The following RBFOX1 variants were observed in gnomAD, a reference collection of about 807,000 sequenced individuals.
RBFOX1 encodes the protein RNA binding fox-1 homolog 1, also known as RNA binding protein fox-1 homolog 1.
In RBFOX1, 8 loss-of-function variants were observed where a neutral mutation model predicts 57.7. That is an observed-to-expected ratio of 0.14 (90% CI 0.08 to 0.25). RBFOX1 has a LOEUF of 0.25. Ranked by LOEUF, RBFOX1 falls within the 10% of genes least tolerant of loss-of-function variation. The pLI is 1.00. For synonymous variants in RBFOX1, 326 were observed against 222.4 expected (o/e 1.47, Z -4.15); for missense variants, 611 against 548.5 (o/e 1.11, Z -1.14).
At position 6,901,718 on chromosome 16, in the gene RBFOX1, A is replaced by C. The variant is rs960363412; in HGVS notation, c.-15-150339A>C. Among the ~76,000 whole-genome samples, 3 of 152,274 alleles carry C rather than the reference A, an allele frequency of 2.0e-5. No individual in the cohort carries two copies. In the South Asian group the frequency reaches 6.2e-4, roughly 32 times the overall value. ...GAGATAATTTGTTACATGGAAGCTC[A>C]TTTGCTTATTTGAAGTAAATACTGC... On this transcript the variant is annotated intron_variant, in intron 3 of 15. Transcript: ENST00000550418.
At chr16:6,242,504 C>T (rs1301514436) in intron 1 of RBFOX1, among the ~76,000 whole-genome samples, 1 of 151,814 alleles carries the variant, frequency 6.6e-6, no homozygotes, top group Admixed American at 6.6e-5. Context: ...GCTGGGAGTA[C>T]AGGTATGAGC....
chr16:6,572,278 A>G (rs992613886), intron 2 of RBFOX1, among the ~76,000 whole-genome samples: 1 of 152,242 alleles, frequency 6.6e-6, no homozygotes, highest in Non-Finnish European at 1.5e-5. Context: ...GACATAGAGA[A>G]TAAACCCATG....
intron 3 of RBFOX1, among the ~76,000 whole-genome samples, chr16:5,663,475 T>C (rs957032218): frequency 2.0e-5 from 3 of 151,986 alleles, no homozygotes; most frequent in Admixed American, 2.0e-4. Flanking sequence ...AAAATGCTGG[T>C]ATTAAATGCA....
intron 4 of RBFOX1, among the ~76,000 whole-genome samples, chr16:7,302,019 C>T (rs896806692): frequency 6.6e-6 from 1 of 152,162 alleles, no homozygotes; most frequent in African/African-American, 2.4e-5. Context: ...ATGCAACGTA[C>T]AGCAAACGTT....
At chr16:6,177,343 A>T (rs1018602304) in intron 1 of RBFOX1, among the ~76,000 whole-genome samples, 3 of 152,122 alleles carry the variant, frequency 2.0e-5, no homozygotes, top group African/African-American at 7.2e-5. Flanking sequence ...TTCCCAGTGA[A>T]GTCTGTAATA....
intron 4 of RBFOX1, among the ~76,000 whole-genome samples, chr16:7,253,749 C>T (rs746181883): frequency 2.6e-4 from 40 of 152,270 alleles, no homozygotes; most frequent in Admixed American, 5.2e-4. Flanking sequence ...TGGAGCCTCT[C>T]GTTACTTACC....
intron 1 of RBFOX1, among the ~76,000 whole-genome samples, chr16:6,076,692 G>A (rs890629792): frequency 2.0e-5 from 3 of 152,278 alleles, no homozygotes; most frequent in Non-Finnish European, 4.4e-5. Context: ...TGTGAGTACT[G>A]CTTCAAAGAC....
chr16:6,620,908 C>G (rs1336901663), intron 2 of RBFOX1, among the ~76,000 whole-genome samples: 1 of 152,224 alleles, frequency 6.6e-6, no homozygotes, highest in Non-Finnish European at 1.5e-5. Context: ...CAAATTACCA[C>G]AAACTGGTGG....
At chr16:6,824,983 G>GT (rs151177772) in intron 3 of RBFOX1, among the ~76,000 whole-genome samples, 1,679 of 36,782 alleles carry the variant, frequency 0.046, 356 homozygotes, top group Non-Finnish European at 0.067. Context: ...TTCTTTCTTG[G>GT]TTTTTTTTTT....
chr16:7,647,342 T>C (rs1013537486), intron 11 of RBFOX1, among the ~76,000 whole-genome samples: 4 of 152,216 alleles, frequency 2.6e-5, no homozygotes, highest in Non-Finnish European at 5.9e-5. Context: ...ATTTGTGTTG[T>C]AGTGATACCA....
intron 3 of RBFOX1, among the ~76,000 whole-genome samples, chr16:6,892,653 G>A (rs2065746666): frequency 6.6e-6 from 1 of 151,382 alleles, no homozygotes; most frequent in African/African-American, 2.4e-5. Flanking sequence ...CTGGGCAACA[G>A]AGCAGGGCTG....
intron 3 of RBFOX1, among the ~76,000 whole-genome samples, chr16:7,011,204 G>A (rs1317773854): frequency 6.6e-6 from 1 of 152,052 alleles, no homozygotes; most frequent in African/African-American, 2.4e-5. Flanking sequence ...AGTCATTCGT[G>A]GAGTCCTCAT....
chr16:6,170,071 T>A (rs529036569), intron 1 of RBFOX1, among the ~76,000 whole-genome samples: 1 of 152,250 alleles, frequency 6.6e-6, no homozygotes, highest in East Asian at 1.9e-4. Context: ...CCTATTAAGT[T>A]AGGTTGCGGT....
At chr16:6,258,323 C>T (rs909149854) in intron 1 of RBFOX1, among the ~76,000 whole-genome samples, 13 of 151,638 alleles carry the variant, frequency 8.6e-5, no homozygotes, top group Non-Finnish European at 1.6e-4. Context: ...AGCAAAGATA[C>T]ACTGTCATTC....
chr16:6,823,627 C>CTTGATT (rs1313384198), intron 3 of RBFOX1, among the ~76,000 whole-genome samples: 1 of 152,146 alleles, frequency 6.6e-6, no homozygotes, highest in African/African-American at 2.4e-5. Context: ...GTTTTCCTCC[C>CTTGATT]TTGATTTTGA....
chr16:6,942,101 C>T (rs1320223493), intron 3 of RBFOX1, among the ~76,000 whole-genome samples: 1 of 152,040 alleles, frequency 6.6e-6, no homozygotes, highest in Non-Finnish European at 1.5e-5. Context: ...TAGCCACGTG[C>T]AGTGGTGCAC....
chr16:6,027,539 A>G (rs961809881), intron 1 of RBFOX1, among the ~76,000 whole-genome samples: 2 of 152,180 alleles, frequency 1.3e-5, no homozygotes, highest in Non-Finnish European at 2.9e-5. Context: ...GTCCATCCCT[A>G]CAAATGGAGA....
intron 3 of RBFOX1, among the ~76,000 whole-genome samples, chr16:6,796,021 C>G (rs986884760): frequency 1.1e-4 from 16 of 151,976 alleles, no homozygotes; most frequent in African/African-American, 3.9e-4. Context: ...AGTCCATTTT[C>G]ATGCTGCTGA....
rs548081480 is a variant in RBFOX1 at position 6,837,701 on chromosome 16, G to C, written c.-16+183051G>C. Among the ~76,000 whole-genome samples the C allele has an allele frequency of 9.8e-5, 15 of 152,320 alleles. No individual in the cohort carries two copies. The East Asian group carries it at 2.7e-3, about 27-fold the overall frequency. ...TTAATTAAATAATGTGCTAATCACTGTGGGCATTGTGCAAGTTCAGATAAA... is the reference window on the plus strand; with the variant it reads ...TTAATTAAATAATGTGCTAATCACTCTGGGCATTGTGCAAGTTCAGATAAA... On this transcript the variant is annotated intron_variant, in intron 3 of 15. Transcript: ENST00000550418.
Sources: gnomAD v4.1 joint callset for allele counts (sites outside exome capture counted in the v4.1 genomes callset) on GRCh38, gnomAD v4.1.1 for gene constraint, MANE v1.5 for transcripts, NCBI Gene and HGNC (gene_info 2026-07-23, HGNC 2026-07-21) for gene names.